The following TJP1 variants were observed in gnomAD, a reference collection of about 807,000 sequenced individuals.
TJP1 encodes the protein tight junction protein 1, also known as tight junction protein ZO-1.
A neutral mutation model predicts 194.2 loss-of-function variants in TJP1; 43 were observed. The ratio of observed to expected loss-of-function variants is 0.22; its 90% CI spans 0.17 to 0.29. The LOEUF (loss-of-function observed/expected upper bound fraction) is 0.29, where lower values mean the gene tolerates loss of function less well. TJP1 is among the 10% of genes least tolerant of loss of function. The pLI, the probability that TJP1 is intolerant of heterozygous loss-of-function variation, is 1.00. For synonymous variants in TJP1, 801 were observed against 779.0 expected (o/e 1.03, Z -0.47); for missense variants, 1,971 against 2,185.7 (o/e 0.90, Z 1.96).
At chr15:29,746,164 G>A (rs1224675599) in intron 8 of TJP1, among the ~76,000 whole-genome samples, 2 of 152,118 alleles carry the variant, frequency 1.3e-5, no homozygotes, top group African/African-American at 4.8e-5. Flanking sequence ...GGATCACAAG[G>A]TCAGAAGATC....
intron 2 of TJP1, among the ~76,000 whole-genome samples, chr15:29,930,200 C>G (rs1012302122): frequency 6.6e-6 from 1 of 152,114 alleles, no homozygotes; most frequent in Non-Finnish European, 1.5e-5. Context: ...TCTATTTACA[C>G]AGACTATTAC....
At chr15:29,879,123 C>T (rs1293787556) in intron 2 of TJP1, among the ~76,000 whole-genome samples, 1 of 151,904 alleles carries the variant, frequency 6.6e-6, no homozygotes, top group Non-Finnish European at 1.5e-5. Context: ...GACTCCGTCT[C>T]AAAAAAATAA....
At position 29,951,392 on chromosome 15, in the gene TJP1, T is replaced by C. The variant is rs1350135588; in HGVS notation, c.306+4840A>G. On this transcript the variant is annotated intron_variant, in intron 2 of 28. Coordinates refer to the TJP1 transcript ENST00000356107. ...CAGGTTGACCAGGCTGGTCTCGAACTCCTGACCTCAGAAGATCCACCCGCC... is the reference window on the plus strand; with the variant it reads ...CAGGTTGACCAGGCTGGTCTCGAACCCCTGACCTCAGAAGATCCACCCGCC... 4.6e-5 allele frequency among the ~76,000 whole-genome samples: 7 copies of C among 152,246 alleles called. No individual in the cohort carries two copies. In the South Asian group the frequency reaches 1.2e-3, roughly 27 times the overall value.
At chr15:29,964,717 T>C (rs2056273929) in intron 1 of TJP1, among the ~76,000 whole-genome samples, 1 of 152,146 alleles carries the variant, frequency 6.6e-6, no homozygotes, top group East Asian at 1.9e-4. Context: ...TTCCAGGGTG[T>C]CCCCCAAAGG....
chr15:29,921,115 G>C (rs369788776), intron 2 of TJP1, among the ~76,000 whole-genome samples: 14 of 152,292 alleles, frequency 9.2e-5, no homozygotes, highest in African/African-American at 3.4e-4. Context: ...ATGTCAGGGA[G>C]AGTGGGAGGG....
Position 29,716,831 on chromosome 15 carries a change from C to G in TJP1, c.3982G>C (p.Glu1328Gln), listed in dbSNP as rs1183835199. ...GGCTTCAGTTGAGGTTTTTGAGGTT[C>G]TGGGATCCTAACAGATAATGAATGA... ...EHDKTLYRIP[E>Q]PQKPQLKPPE... The change falls in exon 23 of 28, where the codon GAA becomes CAA. Residue 1328 changes from glutamate (E) to glutamine (Q), a missense_variant. By Grantham distance (29) the Glu-to-Gln change is conservative. This residue lies in a region of TJP1 where 1,108 missense variants were observed against 1,128.5 expected (regional missense o/e 0.98). Transcript: ENST00000614355. 4 of 1,599,882 alleles carry G rather than the reference C, an allele frequency of 2.5e-6. No homozygotes were observed. The highest frequency in any genetic ancestry group is 3.4e-6 in the Non-Finnish European group (4 of 1,168,540).
chr15:29,958,232 A>G (rs1250916115), intron 1 of TJP1, among the ~76,000 whole-genome samples: 3 of 148,854 alleles, frequency 2.0e-5, no homozygotes, highest in Non-Finnish European at 4.5e-5. Context: ...TATATTAACC[A>G]TTTCCTGATT....
At chr15:29,814,820 T>C (rs570474273) in intron 1 of TJP1, among the ~76,000 whole-genome samples, 1 of 152,286 alleles carries the variant, frequency 6.6e-6, no homozygotes, top group Admixed American at 6.5e-5. Flanking sequence ...TTTCAGTATA[T>C]CAACTGAAAT....
intron 1 of TJP1, among the ~76,000 whole-genome samples, chr15:29,960,566 G>A (rs567496666): frequency 2.7e-4 from 41 of 151,286 alleles, no homozygotes; most frequent in Non-Finnish European, 4.9e-4. Context: ...AGGCCAGGAC[G>A]TCGAGGTTGC....
At chr15:29,902,127 T>C (rs890410950) in intron 2 of TJP1, among the ~76,000 whole-genome samples, 2 of 152,220 alleles carry the variant, frequency 1.3e-5, no homozygotes, top group African/African-American at 4.8e-5. Flanking sequence ...ATTTTTACTA[T>C]CATATTTTAT....
At chr15:29,925,920 T>C (rs916180810) in intron 2 of TJP1, among the ~76,000 whole-genome samples, 7 of 152,212 alleles carry the variant, frequency 4.6e-5, no homozygotes, top group African/African-American at 1.7e-4. Flanking sequence ...TCTCTTAATC[T>C]TTCCCTCCAA....
chr15:29,955,095 A>G (rs915929178), intron 2 of TJP1, among the ~76,000 whole-genome samples: 1 of 152,156 alleles, frequency 6.6e-6, no homozygotes, highest in Non-Finnish European at 1.5e-5. Context: ...AAAAAAAATA[A>G]TAATAATAGA....
chr15:29,880,357 C>T (rs552894444), intron 2 of TJP1, among the ~76,000 whole-genome samples: 9 of 152,286 alleles, frequency 5.9e-5, no homozygotes, highest in East Asian at 1.9e-4. Flanking sequence ...TTTGGACATA[C>T]GCAAACATCT....
At chr15:29,935,960 C>T (rs2054867946) in intron 2 of TJP1, among the ~76,000 whole-genome samples, 1 of 152,128 alleles carries the variant, frequency 6.6e-6, no homozygotes, top group African/African-American at 2.4e-5. Context: ...AGGGTTCCCT[C>T]TCCTTTTCTG....
At chr15:29,968,438 G>A (rs956305605) in intron 1 of TJP1, 10 of 981,858 alleles carry the variant, frequency 1.0e-5, no homozygotes, top group Non-Finnish European at 1.2e-5. Flanking sequence ...GCACAGCGAG[G>A]GTCTCGGCGA....
chr15:29,764,818 T>A (rs923057089), intron 5 of TJP1, among the ~76,000 whole-genome samples: 2 of 152,166 alleles, frequency 1.3e-5, no homozygotes, highest in South Asian at 4.1e-4. Flanking sequence ...TAAGTGAATA[T>A]GCCTAACAGT....
chr15:29,965,028 C>T (rs977290897), intron 1 of TJP1, among the ~76,000 whole-genome samples: 5 of 152,022 alleles, frequency 3.3e-5, no homozygotes, highest in Non-Finnish European at 5.9e-5. Flanking sequence ...AATGCCCAAG[C>T]GAGATGGAAG....
chr15:29,950,043 CCA>C (rs772872573), intron 2 of TJP1, among the ~76,000 whole-genome samples: 1 of 54,336 alleles, frequency 1.8e-5, no homozygotes, highest in African/African-American at 8.3e-5. Flanking sequence ...ACCACCACCT[CCA>C]CCACCACCAC....
chr15:29,965,237 T>G (rs1380226119), intron 1 of TJP1, among the ~76,000 whole-genome samples: 5 of 149,270 alleles, frequency 3.3e-5, no homozygotes, highest in Admixed American at 2.7e-4. Flanking sequence ...TGAGATGGAG[T>G]CTTGCTCTGT....
Sources: allele counts gnomAD v4.1 joint callset (sites outside exome capture counted in the v4.1 genomes callset), GRCh38; gene constraint gnomAD v4.1.1; regional missense constraint gnomAD v4.1.1; transcripts MANE v1.5; gene names NCBI Gene and HGNC (gene_info 2026-07-23, HGNC 2026-07-21).